ACADSB: variants seen among roughly 807,000 people sequenced by gnomAD.
ACADSB encodes short/branched chain specific acyl-CoA dehydrogenase, mitochondrial.
ACADSB carries 40 observed loss-of-function variants against 54.1 expected under a neutral mutation model. That is an observed-to-expected ratio of 0.74 (90% CI 0.57 to 0.96). ACADSB has a LOEUF of 0.96. Ranked by LOEUF, ACADSB falls within the 40% of genes least tolerant of loss-of-function variation. The probability of loss-of-function intolerance (pLI) is 0.00; values close to 1 mark genes in which losing one functional copy is unlikely to be tolerated. For synonymous variants in ACADSB, 182 were observed against 182.8 expected (o/e 1.00, Z 0.03); for missense variants, 530 against 510.4 (o/e 1.04, Z -0.37).
At chr10:123,049,096 A>AT (rs1850596544) in intron 8 of ACADSB, among the ~76,000 whole-genome samples, 1 of 152,238 alleles carries the variant, frequency 6.6e-6, no homozygotes, top group South Asian at 2.1e-4. Context: ...TGATAGAGAC[A>AT]TGCTATGTGA....
At chr10:123,009,326 G>A (rs1323829659) in intron 1 of ACADSB, among the ~76,000 whole-genome samples, 1 of 152,140 alleles carries the variant, frequency 6.6e-6, no homozygotes, top group Non-Finnish European at 1.5e-5. Flanking sequence ...GAGTGGAGTC[G>A]GAGGGTCGCG....
intron 1 of ACADSB, among the ~76,000 whole-genome samples, chr10:123,013,392 C>G (rs1433014594): frequency 6.6e-6 from 1 of 152,244 alleles, no homozygotes; most frequent in Non-Finnish European, 1.5e-5. Flanking sequence ...TAGCTAGACA[C>G]AAAGGTTCTC....
chr10:123,009,638 T>C (rs1849981570), intron 1 of ACADSB, among the ~76,000 whole-genome samples: 1 of 152,212 alleles, frequency 6.6e-6, no homozygotes, highest in South Asian at 2.1e-4. Context: ...ATCTCATGTC[T>C]GGAGCCTGGG....
intron 1 of ACADSB, among the ~76,000 whole-genome samples, chr10:123,028,656 C>T (rs537671742): frequency 2.6e-5 from 4 of 152,088 alleles, no homozygotes; most frequent in Middle Eastern, 6.8e-3. Flanking sequence ...AAGCAAGACC[C>T]TATCTCAAAA....
At chr10:123,033,755 ATAAAT>A (rs1411040845) in intron 1 of ACADSB, among the ~76,000 whole-genome samples, 1 of 152,240 alleles carries the variant, frequency 6.6e-6, no homozygotes, top group African/African-American at 2.4e-5. Context: ...CCAAGACCAC[ATAAAT>A]TAAATATCAG....
intron 2 of ACADSB, among the ~76,000 whole-genome samples, chr10:123,035,289 T>G (rs773712832): frequency 6.6e-6 from 1 of 152,192 alleles, no homozygotes; most frequent in Non-Finnish European, 1.5e-5. Flanking sequence ...ACGTGGAATT[T>G]CAATTTTACC....
At chr10:123,018,811 A>C (rs1307377591) in intron 1 of ACADSB, among the ~76,000 whole-genome samples, 1 of 152,146 alleles carries the variant, frequency 6.6e-6, no homozygotes, top group Non-Finnish European at 1.5e-5. Context: ...AAACGATCAG[A>C]TCTTGTGAGA....
In ACADSB at chr10:123,042,515, C is replaced by T. The variant is rs187226423; in HGVS notation, c.682-531C>T. Among the ~76,000 whole-genome samples the T allele has an allele frequency of 5.2e-4, 67 of 129,536 alleles. 2 individuals carry two copies. The highest frequency in any genetic ancestry group is 8.6e-4 in the Non-Finnish European group (56 of 65,138). 85.0% of individuals were successfully genotyped at this position (129,536 alleles called of 152,430 possible). A position where few individuals can be genotyped will look rare whatever the true frequency, so the allele number is the denominator to read the frequency against. On this transcript the variant is annotated intron_variant, in intron 5 of 10. Coordinates refer to ENST00000358776, the MANE Select transcript of ACADSB (RefSeq NM_001609.4). ...CGCTCTAGTTGCCTAGACTGGAGTG[C>T]AAGGCTGTGATCCCAGCTCACTGCA...
At chr10:123,050,613 C>A (rs772805487) in intron 8 of ACADSB, among the ~76,000 whole-genome samples, 18 of 152,104 alleles carry the variant, frequency 1.2e-4, no homozygotes, top group Non-Finnish European at 2.1e-4. Flanking sequence ...TTGTAGCTAA[C>A]ATTTTTTAAT....
intron 1 of ACADSB, among the ~76,000 whole-genome samples, chr10:123,013,951 C>G (rs999269378): frequency 1.3e-5 from 2 of 152,224 alleles, no homozygotes; most frequent in South Asian, 2.1e-4. Flanking sequence ...AGGGCTCCCA[C>G]GGTGCAGCGG....
chr10:123,011,348 C>T (rs1850031305), intron 1 of ACADSB, among the ~76,000 whole-genome samples: 1 of 152,164 alleles, frequency 6.6e-6, no homozygotes, highest in Non-Finnish European at 1.5e-5. Context: ...TCCCAAGTCA[C>T]ATAACAATCA....
chr10:123,040,754 G>A, intron 4 of ACADSB, 82 bp downstream of exon 4: 2 of 1,339,684 alleles, frequency 1.5e-6, no homozygotes, highest in East Asian at 2.3e-5. Context: ...TAGCTGCAAT[G>A]TCGACTTTAC....
intron 1 of ACADSB, among the ~76,000 whole-genome samples, chr10:123,019,810 A>G (rs1390622057): frequency 1.3e-5 from 2 of 152,212 alleles, no homozygotes; most frequent in African/African-American, 2.4e-5. Context: ...TTCCAACAGC[A>G]TAAGGATCCC....
chr10:123,037,872 T>C, intron 3 of ACADSB, 25 bp downstream of exon 3: 3 of 1,464,226 alleles, frequency 2.0e-6, no homozygotes, highest in Admixed American at 1.7e-5. Flanking sequence ...TCTTCCACTT[T>C]CAAGCTTCTA....
chr10:123,012,863 G>A (rs1172102388), intron 1 of ACADSB, among the ~76,000 whole-genome samples: 1 of 152,192 alleles, frequency 6.6e-6, no homozygotes, highest in Non-Finnish European at 1.5e-5. Flanking sequence ...TGGCTCGGCA[G>A]CCTGATTGGT....
chr10:123,024,805 A>G (rs1850229383), intron 1 of ACADSB, among the ~76,000 whole-genome samples: 1 of 152,246 alleles, frequency 6.6e-6, no homozygotes, highest in South Asian at 2.1e-4. Flanking sequence ...CTGGGGTTCA[A>G]ATACACTCTA....
chr10:123,021,917 A>C (rs1356876935), intron 1 of ACADSB, among the ~76,000 whole-genome samples: 1 of 152,200 alleles, frequency 6.6e-6, no homozygotes, highest in Admixed American at 6.5e-5. Flanking sequence ...CCATGCTCTC[A>C]GAAGTGATCT....
At chr10:123,017,803 G>A (rs377358045) in intron 1 of ACADSB, among the ~76,000 whole-genome samples, 18 of 152,266 alleles carry the variant, frequency 1.2e-4, no homozygotes, top group African/African-American at 2.9e-4. Flanking sequence ...AATGAAAGTC[G>A]GGGGTGGCTT....
intron 3 of ACADSB, among the ~76,000 whole-genome samples, chr10:123,039,353 T>C (rs2133479471): frequency 6.6e-6 from 1 of 152,328 alleles, no homozygotes; most frequent in Middle Eastern, 3.4e-3. Flanking sequence ...ATAGTGTGAC[T>C]CCAGGAATGT....
Sources: allele counts gnomAD v4.1 joint callset (sites outside exome capture counted in the v4.1 genomes callset), GRCh38; gene constraint gnomAD v4.1.1; transcripts MANE v1.5; gene names NCBI Gene and HGNC (gene_info 2026-07-23, HGNC 2026-07-21).